The following BARD1 variants were observed in gnomAD, a reference collection of about 807,000 sequenced individuals.
BARD1 encodes BRCA1-associated RING domain protein 1.
BARD1 carries 73 observed loss-of-function variants against 77.0 expected under a neutral mutation model. That is an observed-to-expected ratio of 0.95 (90% confidence interval 0.79 to 1.15). The LOEUF (loss-of-function observed/expected upper bound fraction) is 1.15. Ranked by LOEUF, BARD1 falls within the 50% of genes most tolerant of loss-of-function variation. The pLI, the probability that BARD1 is intolerant of heterozygous loss-of-function variation, is 0.00. For missense variants in BARD1, 993 were observed against 938.8 expected (o/e 1.06, Z -0.75); for synonymous variants, 384 against 338.0 (o/e 1.14, Z -1.49).
rs1695509159 is a variant in BARD1 at position 214,791,479 on chromosome 2, C to G, written c.364+818G>C. ...CAAACACACACTAAAATAGCATGATCTGGTCAATAAAAAGACAACTCTAAT... is the reference window on the plus strand; with the variant it reads ...CAAACACACACTAAAATAGCATGATGTGGTCAATAAAAAGACAACTCTAAT... On this transcript the variant is annotated intron_variant, in intron 3 of 10. Coordinates refer to ENST00000260947, the MANE Select transcript of BARD1 (RefSeq NM_000465.4). Among the ~76,000 whole-genome samples the G allele has an allele frequency of 2.0e-5, 3 of 152,188 alleles. No homozygotes were observed. The South Asian group carries it at 6.2e-4, about 32-fold the overall frequency.
intron 9 of BARD1, among the ~76,000 whole-genome samples, chr2:214,731,718 A>C (rs934236486): frequency 2.0e-5 from 3 of 152,168 alleles, no homozygotes; most frequent in Non-Finnish European, 2.9e-5. Flanking sequence ...TCAATACTTC[A>C]TTTTATCACT....
At chr2:214,755,193 CTT>C (rs1693637674) in intron 6 of BARD1, among the ~76,000 whole-genome samples, 1 of 152,108 alleles carries the variant, frequency 6.6e-6, no homozygotes, top group African/African-American at 2.4e-5. Context: ...ATTAACATGA[CTT>C]ATTACTAAAT....
At chr2:214,744,443 T>C (rs1692998142) in intron 9 of BARD1, among the ~76,000 whole-genome samples, 1 of 152,210 alleles carries the variant, frequency 6.6e-6, no homozygotes, top group Non-Finnish European at 1.5e-5. Context: ...ATTTAAAACA[T>C]GTGTTATTAA....
chr2:214,754,406 T>C (rs1433262810), intron 6 of BARD1, among the ~76,000 whole-genome samples: 5 of 150,560 alleles, frequency 3.3e-5, no homozygotes, highest in Non-Finnish European at 7.4e-5. Flanking sequence ...GAGACAAACA[T>C]AGACCTTACA....
chr2:214,792,515 T>A, intron 2 of BARD1, 70 bp from the exon 3 acceptor site: 1 of 1,401,548 alleles, frequency 7.1e-7, no homozygotes, highest in Non-Finnish European at 9.6e-7. Flanking sequence ...AACTAAACAG[T>A]TTGAACAGAA....
chr2:214,776,012 C>G (rs930184807), intron 4 of BARD1, among the ~76,000 whole-genome samples: 45 of 152,162 alleles, frequency 3.0e-4, no homozygotes, highest in Non-Finnish European at 1.0e-4. Flanking sequence ...AAGGGATCTT[C>G]TCTCTCTCCA....
At chr2:214,777,430 G>A (rs929184929) in intron 4 of BARD1, among the ~76,000 whole-genome samples, 4 of 152,150 alleles carry the variant, frequency 2.6e-5, no homozygotes, top group Admixed American at 2.6e-4. Context: ...ACTCCTGCTG[G>A]GTTCTCTGCC....
intron 2 of BARD1, among the ~76,000 whole-genome samples, chr2:214,794,809 T>C (rs78858234): frequency 0.015 from 2,294 of 152,274 alleles, 30 homozygotes; most frequent in Middle Eastern, 0.071. Context: ...TCTGCATGAA[T>C]AAAAACAGCT....
chr2:214,763,379 C>T (rs1199198048), intron 6 of BARD1, among the ~76,000 whole-genome samples: 1 of 152,108 alleles, frequency 6.6e-6, no homozygotes. Flanking sequence ...CCTACTAGAA[C>T]AGAAGCAGGC....
At chr2:214,736,059 A>T (rs1692552989) in intron 9 of BARD1, among the ~76,000 whole-genome samples, 1 of 152,110 alleles carries the variant, frequency 6.6e-6, no homozygotes. Context: ...TTATAATTTT[A>T]AATTATCATA....
Position 214,727,265 on chromosome 2 carries a change from G to C in BARD1, c.*1411C>G, listed in dbSNP as rs912820153. On this transcript the variant is annotated 3_prime_UTR_variant, in exon 11 of 11. Transcript: ENST00000260947. ...AAAATGTGTTTTCAAATGATAAACA[G>C]AATCTCAAACTTTCAAGTAAGTGCA... The C allele has an allele frequency of 8.7e-6, 2 of 229,832 alleles. No individual in the cohort carries two copies. The highest frequency in any genetic ancestry group is 4.4e-5 in the African/African-American group (2 of 45,186). The allele number at this position is 229,832 out of a possible 1,614,324, so 14.2% of individuals were successfully genotyped here. A position where few individuals can be genotyped will look rare whatever the true frequency, so the allele number is the denominator to read the frequency against.
intron 2 of BARD1, 75 bp downstream of exon 2, chr2:214,796,986 T>A: frequency 8.6e-7 from 1 of 1,157,428 alleles, no homozygotes; most frequent in Non-Finnish European, 1.3e-6. Context: ...GTACCATTAT[T>A]ATCAACAAGA....
In BARD1 at chr2:214,728,406, T is replaced by C. The variant is rs1180575425; in HGVS notation, c.*270A>G. On this transcript the variant is annotated 3_prime_UTR_variant, in exon 11 of 11. Coordinates refer to ENST00000260947, the MANE Select transcript of BARD1 (RefSeq NM_000465.4). The stretch of plus-strand genomic sequence containing the variant: ...AAGATTCTGGTGTCCTCATTAATCT[T>C]TGATACCCAATAATCTGAATAGAAA... The C allele has an allele frequency of 1.5e-5, 7 of 455,664 alleles. No individual in the cohort carries two copies. Among genetic ancestry groups the C allele is most frequent in the South Asian group, 5.3e-5 (2 of 37,994 alleles). The allele number at this position is 455,664 out of a possible 1,614,324, so 28.2% of individuals were successfully genotyped here.
In BARD1 at chr2:214,780,870, C is replaced by T; in HGVS notation, c.1004G>A (p.Arg335Lys). The T allele has an allele frequency of 6.2e-7, 1 of 1,614,130 alleles. No individual in the cohort carries two copies. The highest frequency in any genetic ancestry group is 2.2e-5 in the East Asian group (1 of 44,874). Residue 335 changes from arginine (R) to lysine (K), a missense_variant, in exon 4 of 11, where the codon AGA becomes AAA. Arg to Lys is a conservative substitution (Grantham distance 26, BLOSUM62 2). Coordinates refer to ENST00000260947, the MANE Select transcript of BARD1 (RefSeq NM_000465.4). ...GGTGCTCAGAATGCTGGTTCTACAT[C>T]TCTTAGAAATGGGACTGGAAAGTCT... ...HNRLSSPISKRCRTSILSTSG... is the reference protein window; with the variant it reads ...HNRLSSPISKKCRTSILSTSG...
chr2:214,745,898 A>T, intron 7 of BARD1, 44 bp from the exon 8 acceptor site: 1 of 1,606,782 alleles, frequency 6.2e-7, no homozygotes, highest in Non-Finnish European at 8.5e-7. Context: ...ACATTAGACG[A>T]CTAGACAAAG....
At chr2:214,778,489 T>G (rs1456298081) in intron 4 of BARD1, among the ~76,000 whole-genome samples, 1 of 152,084 alleles carries the variant, frequency 6.6e-6, no homozygotes, top group Non-Finnish European at 1.5e-5. Context: ...CTAAGCAAAC[T>G]GACAAAACTC....
intron 9 of BARD1, among the ~76,000 whole-genome samples, chr2:214,744,509 G>T (rs111954401): frequency 6.6e-6 from 1 of 152,104 alleles, no homozygotes; most frequent in South Asian, 2.1e-4. Flanking sequence ...AGTATACTAT[G>T]TACTCCATTT....
chr2:214,795,306 G>A (rs1366956222), intron 2 of BARD1, among the ~76,000 whole-genome samples: 2 of 152,106 alleles, frequency 1.3e-5, no homozygotes, highest in African/African-American at 4.8e-5. Flanking sequence ...CAAAGTCCTG[G>A]GGCGGGAGTG....
chr2:214,740,137 C>T (rs962311959), intron 9 of BARD1, among the ~76,000 whole-genome samples: 1 of 151,956 alleles, frequency 6.6e-6, no homozygotes, highest in Non-Finnish European at 1.5e-5. Context: ...AAAACTCATG[C>T]TCAGTGTTCT....
Sources: allele counts gnomAD v4.1 joint callset (sites outside exome capture counted in the v4.1 genomes callset), GRCh38; gene constraint gnomAD v4.1.1; transcripts MANE v1.5; gene names NCBI Gene and HGNC (gene_info 2026-07-23, HGNC 2026-07-21).